The following ARSD variants were observed in gnomAD, a reference collection of about 807,000 sequenced individuals.
ARSD encodes arylsulfatase D.
Under a neutral mutation model 32.6 loss-of-function variants are expected in ARSD, and 21 were observed. That is an observed-to-expected ratio of 0.64 (90% confidence interval 0.46 to 0.93). The LOEUF is 0.93. Among genes scored for constraint, ARSD ranks in the 40% least tolerant of loss-of-function variants. The probability of loss-of-function intolerance (pLI) is 0.00; values close to 1 mark genes in which losing one functional copy is unlikely to be tolerated. For synonymous variants in ARSD, 224 were observed against 237.4 expected (o/e 0.94, Z 0.52); for missense variants, 454 against 520.9 (o/e 0.87, Z 1.25).
Position 2,905,621 on chromosome X carries a change from C to T in ARSD, c.*1650G>A, listed in dbSNP as rs1315921276. ...GGCAAACTTTCCATCAGGGCATCTT[C>T]TGTGCCTCTGAGGATCATTTTCCAA... On this transcript the variant is annotated 3_prime_UTR_variant, in exon 10 of 10. Coordinates refer to ENST00000381154, the MANE Select transcript of ARSD (RefSeq NM_001669.4). 1 of 113,090 alleles carries T rather than the reference C, an allele frequency of 8.8e-6. No homozygotes were observed. The highest frequency in any genetic ancestry group is 1.9e-5 in the Non-Finnish European group (1 of 53,485). 9.3% of individuals were successfully genotyped at this position (113,090 alleles called of 1,213,427 possible). A position where few individuals can be genotyped will look rare whatever the true frequency, so the allele number is the denominator to read the frequency against.
intron 3 of ARSD, among the ~76,000 whole-genome samples, chrX:2,921,493 A>G (rs932154101): frequency 2.7e-5 from 3 of 111,825 alleles, no homozygotes; most frequent in Admixed American, 1.9e-4. Flanking sequence ...CTAGCTATCA[A>G]TCATCCATTA....
At position 2,920,917 on chromosome X, in the gene ARSD, ATACC is replaced by A. The variant is rs1371589957; in HGVS notation, c.317-198_317-195del. On this transcript the variant is annotated intron_variant, in intron 3 of 9. Transcript: ENST00000381154. ...GTCTGTCATCTATCTACCTACCTACATACCTACCTACCTACCGACCTATCACACT... is the reference window on the plus strand; with the variant it reads ...GTCTGTCATCTATCTACCTACCTACATACCTACCTACCGACCTATCACACT... Among the ~76,000 whole-genome samples the A allele has an allele frequency of 2.7e-5, 3 of 111,619 alleles. No homozygotes were observed. The East Asian group carries it at 8.4e-4, about 31-fold the overall frequency.
chrX:2,917,924 AAGG>A lies in ARSD; in HGVS notation c.740_742del (p.Ser247del), dbSNP rs1299223881. 4 of 1,212,104 alleles carry A rather than the reference AAGG, an allele frequency of 3.3e-6. No homozygotes were observed. Among genetic ancestry groups the A allele is most frequent in the Admixed American group, 4.3e-5 (2 of 46,096 alleles). On this transcript the variant is annotated inframe_deletion, in exon 5 of 10. Coordinates refer to ENST00000381154, the MANE Select transcript of ARSD (RefSeq NM_001669.4). The stretch of plus-strand genomic sequence containing the variant: ...ACAGTTCCAGCGTCGCACAAACCCG[AAGG>A]AGGAGTACCAAGAGATGAAAAACAG...
Position 2,915,627 on chromosome X carries a change from G to C in ARSD, c.929C>G (p.Thr310Arg). 1 of 1,211,036 alleles carries C rather than the reference G, an allele frequency of 8.3e-7. No homozygotes were observed. Among genetic ancestry groups the C allele is most frequent in the East Asian group, 3.0e-5 (1 of 33,843 alleles). Residue 310 changes from threonine (T) to arginine (R), a missense_variant, in exon 6 of 10, where the codon ACG becomes AGG. By Grantham distance (71) the Thr-to-Arg change is moderately conservative. This residue lies in a region of ARSD where 271 missense variants were observed against 301.0 expected (regional missense o/e 0.90). Transcript: ENST00000381154. ...LLHVHIPLVTTSAFLGKSQHG... is the reference protein window; with the variant it reads ...LLHVHIPLVTRSAFLGKSQHG... The stretch of plus-strand genomic sequence containing the variant: ...CTGACTTTTCCCCAGGAATGCACTC[G>C]TGGTCACAAGGGGAATGTGCACATG...
At position 2,907,564 on chromosome X, in the gene ARSD, C is replaced by A. The variant is rs749258093; in HGVS notation, c.1489G>T (p.Gly497Cys). ...CCGGAGCATGGGCAGACGCCTCGGC[C>A]GTAGCAGGCCCCCGCTCCCTCGGGG... Reference protein sequence around the residue: ...FHPEGAGACYGRGVCPCSGEG... With the variant: ...FHPEGAGACYCRGVCPCSGEG... Residue 497 changes from glycine (G) to cysteine (C), a missense_variant, in exon 10 of 10, where the codon GGC (glycine) becomes TGC (cysteine). Physicochemically the swap from Gly to Cys is radical, Grantham distance 159 (BLOSUM62 -3). Coordinates refer to ENST00000381154, the MANE Select transcript of ARSD (RefSeq NM_001669.4). The A allele has an allele frequency of 8.7e-7, 1 of 1,149,210 alleles. No individual in the cohort carries two copies. The highest frequency in any genetic ancestry group is 2.1e-5 in the South Asian group (1 of 47,933). 94.7% of individuals were successfully genotyped at this position (1,149,210 alleles called of 1,213,427 possible). A position where few individuals can be genotyped will look rare whatever the true frequency, so the allele number is the denominator to read the frequency against.
At chrX:2,920,278 G>A in intron 4 of ARSD, 1 of 250,363 alleles carries the variant, frequency 4.0e-6, no homozygotes. Context: ...TGAAAAACTG[G>A]GGACAATCCA....
At chrX:2,922,496 G>C (rs778173347) in intron 2 of ARSD, among the ~76,000 whole-genome samples, 3 of 109,742 alleles carry the variant, frequency 2.7e-5, no homozygotes, top group African/African-American at 9.9e-5. Context: ...TCCAGATGGG[G>C]AACACAGACA....
At chrX:2,908,042 C>T (rs747050842) in intron 9 of ARSD, 2 of 610,668 alleles carry the variant, frequency 3.3e-6, no homozygotes, top group Non-Finnish European at 4.0e-6. Flanking sequence ...ATCTATCTAT[C>T]GCTACCTATT....
In ARSD at chrX:2,906,737, G is replaced by A. The variant is rs2088854494; in HGVS notation, c.*534C>T. On this transcript the variant is annotated 3_prime_UTR_variant, in exon 10 of 10. Transcript: ENST00000381154. ...TGAAAACATCGGGCATTGGCACAAT[G>A]ACGAACCCTGAGATTTAGAAGAGGA... is the stretch of plus-strand genomic sequence containing the variant. 8.9e-6 allele frequency: 1 copy of A among 112,557 alleles called. No individual in the cohort carries two copies. The highest frequency in any genetic ancestry group is 1.9e-5 in the Non-Finnish European group (1 of 53,717). 9.3% of individuals were successfully genotyped at this position (112,557 alleles called of 1,213,427 possible).
At position 2,915,652 on chromosome X, in the gene ARSD, G is replaced by C. The variant is rs907395949; in HGVS notation, c.904C>G (p.His302Asp). The change falls in exon 6 of 10, where the codon CAT becomes GAT. Residue 302 changes from histidine (H) to aspartate (D), a missense_variant. This residue lies in a region of ARSD where 271 missense variants were observed against 301.0 expected (regional missense o/e 0.90). Transcript: ENST00000381154. ...GPFLLFLSLL[H>D]VHIPLVTTSA... ...GTGGTCACAAGGGGAATGTGCACAT[G>C]CAGCAAAGAAAGGAAGAGGAGAAAT... The C allele has an allele frequency of 8.3e-7, 1 of 1,209,583 alleles. No individual in the cohort carries two copies. Among genetic ancestry groups the C allele is most frequent in the Non-Finnish European group, 1.1e-6 (1 of 894,861 alleles).
intron 2 of ARSD, chrX:2,923,360 G>A (rs754219366): frequency 1.6e-4 from 29 of 186,632 alleles, no homozygotes; most frequent in African/African-American, 8.7e-4. Flanking sequence ...TGTAGTCTCA[G>A]CTACTCAGGA....
intron 6 of ARSD, chrX:2,913,970 T>C: frequency 3.2e-6 from 1 of 311,500 alleles, no homozygotes; most frequent in Non-Finnish European, 4.4e-6. Flanking sequence ...ACAAGACGCC[T>C]GCTCCCCCTT....
intron 2 of ARSD, among the ~76,000 whole-genome samples, chrX:2,925,324 C>T (rs1280228897): frequency 8.9e-6 from 1 of 112,749 alleles, no homozygotes; most frequent in Non-Finnish European, 1.9e-5. Flanking sequence ...AGGATCCTCC[C>T]ATAGGGCCCC....
At chrX:2,908,414 A>G (rs370994746) in intron 9 of ARSD, among the ~76,000 whole-genome samples, 84 of 108,768 alleles carry the variant, frequency 7.7e-4, no homozygotes, top group African/African-American at 2.7e-3. Flanking sequence ...TCTATCATCT[A>G]TCCATCCATC....
intron 5 of ARSD, among the ~76,000 whole-genome samples, chrX:2,916,583 A>G (rs2088963268): frequency 8.9e-6 from 1 of 111,887 alleles, no homozygotes; most frequent in Non-Finnish European, 1.9e-5. Flanking sequence ...TTGCAGCAAT[A>G]CAGATGAAAC....
intron 6 of ARSD, chrX:2,914,430 G>T (rs1250947255): frequency 4.8e-6 from 2 of 413,820 alleles, no homozygotes; most frequent in Admixed American, 7.2e-5. Context: ...GGGGGGGGGG[G>T]CGTCTCACTA....
chrX:2,911,020 C>T (rs1284069428), intron 6 of ARSD, among the ~76,000 whole-genome samples: 1 of 111,971 alleles, frequency 8.9e-6, no homozygotes, highest in Non-Finnish European at 1.9e-5. Flanking sequence ...AAATTCGAAG[C>T]CCCCCAACCG....
At position 2,906,557 on chromosome X, in the gene ARSD, T is replaced by C. The variant is rs2088853361; in HGVS notation, c.*714A>G. On this transcript the variant is annotated 3_prime_UTR_variant, in exon 10 of 10. Transcript: ENST00000381154. ...CCTAATGTATGAAAAATGCATCAAT[T>C]ATTTGAGATTAATGAGTCCTCATAA... is the stretch of plus-strand genomic sequence containing the variant. The C allele has an allele frequency of 8.9e-6, 1 of 111,938 alleles. No homozygotes were observed. The highest frequency in any genetic ancestry group is 1.9e-5 in the Non-Finnish European group (1 of 53,210). The allele number at this position is 111,938 out of a possible 1,213,427, so 9.2% of individuals were successfully genotyped here.
intron 1 of ARSD, among the ~76,000 whole-genome samples, chrX:2,926,972 G>C (rs1340440284): frequency 9.3e-6 from 1 of 107,590 alleles, no homozygotes; most frequent in Non-Finnish European, 1.9e-5. Context: ...GTGCTCTCCG[G>C]GGAGGACGCG....
Sources: gnomAD v4.1 joint callset for allele counts (sites outside exome capture counted in the v4.1 genomes callset) on GRCh38, gnomAD v4.1.1 for gene constraint, gnomAD v4.1.1 regional missense constraint, MANE v1.5 for transcripts, NCBI Gene and HGNC (gene_info 2026-07-23, HGNC 2026-07-21) for gene names.